Variants in THRB observed in about 807,000 individuals in gnomAD.
THRB encodes thyroid hormone receptor beta.
THRB carries 12 observed loss-of-function variants against 47.8 expected under a neutral mutation model. The observed-to-expected ratio is 0.25, with a 90% CI of 0.16 to 0.41. THRB has a LOEUF of 0.41. Among genes scored for constraint, THRB ranks in the 10% least tolerant of loss-of-function variants. The probability of loss-of-function intolerance (pLI) is 1.00; values close to 1 mark genes in which losing one functional copy is unlikely to be tolerated. For missense variants in THRB, 348 were observed against 589.2 expected, an observed-to-expected ratio of 0.59 and a Z score of 4.24; for synonymous variants, 218 against 212.2, an observed-to-expected ratio of 1.03 and a Z score of -0.24.
intron 3 of THRB, among the ~76,000 whole-genome samples, chr3:24,275,469 T>C (rs929271137): frequency 6.6e-6 from 1 of 152,174 alleles, no homozygotes; most frequent in Non-Finnish European, 1.5e-5. Context: ...GGCTAATGTA[T>C]CTGCTGTTTG....
chr3:24,375,473 T>A (rs1351194264), intron 1 of THRB, among the ~76,000 whole-genome samples: 1 of 145,628 alleles, frequency 6.9e-6, no homozygotes, highest in African/African-American at 2.5e-5. Flanking sequence ...AATATTAATA[T>A]ATTATAGTTA....
chr3:24,259,385 C>G (rs2051680171), intron 3 of THRB, among the ~76,000 whole-genome samples: 3 of 152,134 alleles, frequency 2.0e-5, no homozygotes, highest in African/African-American at 4.8e-5. Flanking sequence ...AAAAGTGAAA[C>G]CATGGACACT....
Position 24,118,903 on chromosome 3 carries a change from G to A in THRB, c.*3981C>T, listed in dbSNP as rs751368376. On this transcript the variant is annotated 3_prime_UTR_variant, in exon 11 of 11. Coordinates refer to ENST00000646209, the MANE Select transcript of THRB (RefSeq NM_001354712.2). Reference sequence around the variant, plus strand: ...AACACACTATAAATGCACACTTTTCGCATTTGCAAACATTTATACAGCACA... The same window carrying A: ...AACACACTATAAATGCACACTTTTCACATTTGCAAACATTTATACAGCACA... 6.1e-5 allele frequency: 9 copies of A among 148,510 alleles called. No homozygotes were observed. The highest frequency in any genetic ancestry group is 1.2e-4 in the Non-Finnish European group (8 of 67,580). 9.2% of individuals were successfully genotyped at this position (148,510 alleles called of 1,614,324 possible).
chr3:24,286,502 T>TTTAAGA (rs2055316480), intron 3 of THRB, among the ~76,000 whole-genome samples: 1 of 152,110 alleles, frequency 6.6e-6, no homozygotes, highest in South Asian at 2.1e-4. Context: ...ATGCATATGG[T>TTTAAGA]TTAAGATTTC....
chr3:24,321,431 A>G (rs1211573987), intron 2 of THRB, among the ~76,000 whole-genome samples: 1 of 152,216 alleles, frequency 6.6e-6, no homozygotes, highest in Non-Finnish European at 1.5e-5. Flanking sequence ...TTAATAAATG[A>G]TACATTTTTC....
intron 1 of THRB, among the ~76,000 whole-genome samples, chr3:24,361,656 A>T (rs1350694713): frequency 6.6e-6 from 1 of 152,132 alleles, no homozygotes; most frequent in African/African-American, 2.4e-5. Flanking sequence ...TGAAAGAGAA[A>T]TATGGCCAGA....
chr3:24,133,294 G>A, intron 9 of THRB, 22 bp downstream of exon 9: 2 of 1,613,272 alleles, frequency 1.2e-6, no homozygotes, highest in Non-Finnish European at 1.7e-6. Context: ...GAATAATGCA[G>A]AAGGAAAAAC....
At chr3:24,228,834 A>G (rs1350221113) in intron 4 of THRB, 104 bp downstream of exon 4, 5 of 1,054,456 alleles carry the variant, frequency 4.7e-6, no homozygotes, top group Non-Finnish European at 5.8e-6. Flanking sequence ...GTTTGGAAAT[A>G]ACGGTTGCTA....
At position 24,375,207 on chromosome 3, in the gene THRB, A is replaced by T. The variant is rs574626750; in HGVS notation, c.-260-37836T>A. On this transcript the variant is annotated intron_variant, in intron 1 of 10. Transcript: ENST00000646209. ...TAAGAGCCATGTTTTAAAGCAGCAT[A>T]CACTATCTTTTAAATTACAGTTTTG... is the stretch of plus-strand genomic sequence containing the variant. Among the ~76,000 whole-genome samples, 8 of 151,632 alleles carry T rather than the reference A, an allele frequency of 5.3e-5. No individual in the cohort carries two copies. In the East Asian group the frequency reaches 1.4e-3, roughly 26 times the overall value.
intron 5 of THRB, among the ~76,000 whole-genome samples, chr3:24,167,003 A>G (rs544039705): frequency 6.6e-6 from 1 of 152,280 alleles, no homozygotes; most frequent in East Asian, 1.9e-4. Context: ...CAGAAAAAAA[A>G]AATCACCGTC....
rs868076859 is a variant in THRB at position 24,398,292 on chromosome 3, G to A, written c.-260-60921C>T. 1.2e-4 allele frequency among the ~76,000 whole-genome samples: 18 copies of A among 152,214 alleles called. No homozygotes were observed. In the Middle Eastern group the frequency reaches 0.017, roughly 144 times the overall value. On this transcript the variant is annotated intron_variant, in intron 1 of 10. Transcript: ENST00000646209. Reference sequence around the variant, plus strand: ...AAGAAAGTACCATCAGAGTGAACAGGCAACCTACAGAATGGGAGAAAACTT... The same window carrying A: ...AAGAAAGTACCATCAGAGTGAACAGACAACCTACAGAATGGGAGAAAACTT...
At chr3:24,133,695 AAGAGAGAGAGAG>A (rs10652016) in intron 8 of THRB, among the ~76,000 whole-genome samples, 4 of 150,262 alleles carry the variant, frequency 2.7e-5, no homozygotes, top group East Asian at 2.0e-4. Flanking sequence ...TTGCTGCAGA[AAGAGAGAGAGAG>A]AGAGAGAGAG....
rs1559636435 is a variant in THRB, at chr3:24,218,344, T to TC, written c.22+10593_22+10594insG. On this transcript the variant is annotated intron_variant, in intron 4 of 10. Coordinates refer to ENST00000646209, the MANE Select transcript of THRB (RefSeq NM_001354712.2). ...TTTTTGTCTCTCTCTCTCTCTCTCT[T>TC]TTTTTTTTTTTTTTTTTTAAAAAGA... Among the ~76,000 whole-genome samples the TC allele has an allele frequency of 1.3e-4, 14 of 108,210 alleles. No individual in the cohort carries two copies. The East Asian group carries it at 1.7e-3, about 13-fold the overall frequency. 71.0% of individuals were successfully genotyped at this position (108,210 alleles called of 152,430 possible).
intron 4 of THRB, among the ~76,000 whole-genome samples, chr3:24,228,273 C>A (rs1374908664): frequency 6.6e-6 from 1 of 152,160 alleles, no homozygotes. Flanking sequence ...CTATTGCAAC[C>A]TTGTATTCCT....
intron 1 of THRB, among the ~76,000 whole-genome samples, chr3:24,416,808 C>T (rs2068770063): frequency 6.6e-6 from 1 of 151,784 alleles, no homozygotes; most frequent in African/African-American, 2.4e-5. Flanking sequence ...AATCAATCTC[C>T]TAAGGTGAGC....
chr3:24,269,297 ACACACACACACACACACACACACACGT>A (rs2053002652), intron 3 of THRB, among the ~76,000 whole-genome samples: 7 of 98,592 alleles, frequency 7.1e-5, no homozygotes, highest in African/African-American at 1.0e-4. Flanking sequence ...ACACACACAC[ACACACACACACACACACACACACACGT>A]TATCTTTGCT....
intron 1 of THRB, among the ~76,000 whole-genome samples, chr3:24,423,168 C>T (rs28369472): frequency 0.44 from 66,711 of 151,648 alleles, 15,485 homozygotes; most frequent in East Asian, 0.51. Flanking sequence ...CGGTGACCCC[C>T]AATCAATGAC....
chr3:24,331,335 G>T (rs1163612038), intron 2 of THRB, among the ~76,000 whole-genome samples: 5 of 152,130 alleles, frequency 3.3e-5, no homozygotes, highest in African/African-American at 4.8e-5. Flanking sequence ...AAGGGAAAAA[G>T]GGAGAACAAA....
chr3:24,307,229 T>G (rs1288752293), intron 2 of THRB, among the ~76,000 whole-genome samples: 1 of 149,062 alleles, frequency 6.7e-6, no homozygotes, highest in African/African-American at 2.5e-5. Context: ...TGAAGAGAAA[T>G]AACATGGTAA....
Sources: gnomAD v4.1 joint callset for allele counts (sites outside exome capture counted in the v4.1 genomes callset) on GRCh38, gnomAD v4.1.1 for gene constraint, MANE v1.5 for transcripts, NCBI Gene and HGNC (gene_info 2026-07-23, HGNC 2026-07-21) for gene names.